NLRC4: variants seen among roughly 807,000 people sequenced by gnomAD.
NLRC4 encodes the protein NLR family CARD domain containing 4.
NLRC4 carries 63 observed loss-of-function variants against 79.9 expected under a neutral mutation model. The observed-to-expected ratio is 0.79, with a 90% CI of 0.64 to 0.97. The LOEUF (loss-of-function observed/expected upper bound fraction) is 0.97. Among genes scored for constraint, NLRC4 ranks in the 50% least tolerant of loss-of-function variants. The pLI is 0.00. For synonymous variants in NLRC4, 461 were observed against 456.5 expected (o/e 1.01, Z -0.12); for missense variants, 1,074 against 1,215.2 (o/e 0.88, Z 1.73).
intron 8 of NLRC4, among the ~76,000 whole-genome samples, chr2:32,230,630 C>T (rs751213626): frequency 1.3e-5 from 2 of 152,162 alleles, no homozygotes; most frequent in Non-Finnish European, 2.9e-5. Flanking sequence ...TGCCACCACA[C>T]ACAGCTAATT....
chr2:32,265,292 C>A (rs568741712), upstream of NLRC4, among the ~76,000 whole-genome samples: 2 of 152,048 alleles, frequency 1.3e-5, no homozygotes, highest in African/African-American at 4.8e-5. Context: ...GCGTTCCTCC[C>A]GCCTCAGTCC....
chr2:32,241,100 G>A lies in NLRC4; in HGVS notation c.2283C>T (p.Asn761=). ...TTATGAGCTTTGTAAGGTTCTTCAAGTTACCCAAGCTGTCAGTCAGACCAC... is the reference window on the plus strand; with the variant it reads ...TTATGAGCTTTGTAAGGTTCTTCAAATTACCCAAGCTGTCAGTCAGACCAC... The part of the protein sequence containing the change: ...LPGGLTDSLG[N]LKNLTKLIMD... The change falls in exon 5 of 9, where the codon AAC becomes AAT. Residue 761 remains asparagine, a synonymous_variant. Transcript: ENST00000402280. 6.2e-7 allele frequency: 1 copy of A among 1,608,192 alleles called. No individual in the cohort carries two copies. The highest frequency in any genetic ancestry group is 8.5e-7 in the Non-Finnish European group (1 of 1,176,620).
At position 32,251,449 on chromosome 2, in the gene NLRC4, G is replaced by A. The variant is rs567535484; in HGVS notation, c.415C>T (p.Leu139=). 4.2e-5 allele frequency: 68 copies of A among 1,613,988 alleles called. No homozygotes were observed. Among genetic ancestry groups the A allele is most frequent in the Non-Finnish European group, 5.5e-5 (65 of 1,180,038 alleles). ...TGATGGTGTTGGTCCTTCCTCCACAGGACAGGTTCTGTGAAGGTGCTTTTC... is the reference window on the plus strand; with the variant it reads ...TGATGGTGTTGGTCCTTCCTCCACAAGACAGGTTCTGTGAAGGTGCTTTTC... ...NLKSTFTEPV[L]WRKDQHHHRV... is the part of the protein sequence containing the mutation. Residue 139 remains leucine, a synonymous_variant, in exon 4 of 9, where the codon CTG becomes TTG. Transcript: ENST00000402280.
intron 1 of NLRC4, among the ~76,000 whole-genome samples, chr2:32,264,457 G>C (rs1273040288): frequency 1.3e-5 from 2 of 148,874 alleles, no homozygotes; most frequent in Non-Finnish European, 3.0e-5. Flanking sequence ...AAAAAAGAGT[G>C]AGTTTCCTTT....
At chr2:32,230,724 TATAAAC>T (rs1331962734) in intron 8 of NLRC4, among the ~76,000 whole-genome samples, 1 of 152,208 alleles carries the variant, frequency 6.6e-6, no homozygotes, top group African/African-American at 2.4e-5. Flanking sequence ...AACATGCTAT[TATAAAC>T]ATTAATATAC....
chr2:32,224,900 A>G (rs1326382493), intron 8 of NLRC4, 135 bp from the exon 9 acceptor site: 1 of 560,072 alleles, frequency 1.8e-6, no homozygotes, highest in Non-Finnish European at 3.1e-6. Flanking sequence ...TTTGCCTCAG[A>G]AAGAAATTAT....
intron 4 of NLRC4, among the ~76,000 whole-genome samples, chr2:32,248,373 A>G (rs866733966): frequency 6.6e-6 from 1 of 152,200 alleles, no homozygotes; most frequent in Non-Finnish European, 1.5e-5. Flanking sequence ...CCTCTCTTGT[A>G]TGGTTTGAAC....
At position 32,250,557 on chromosome 2, in the gene NLRC4, T is replaced by G; in HGVS notation, c.1307A>C (p.Lys436Thr). ...CTTGTGAAAGAATTTATACTTTGGC[T>G]TGAACCTTTGAGCTGTATATTTACA... is the stretch of plus-strand genomic sequence containing the variant. ...LLCKYTAQRFKPKYKFFHKSF... is the reference protein window; with the variant it reads ...LLCKYTAQRFTPKYKFFHKSF... The change falls in exon 4 of 9, where the codon AAG (lysine) becomes ACG (threonine). Residue 436 changes from lysine (K) to threonine (T), a missense_variant. Transcript: ENST00000402280. The surrounding 1 kb of genome is among the most constrained non-coding windows in gnomAD (Gnocchi z 4.9). 1 of 1,614,234 alleles carries G rather than the reference T, an allele frequency of 6.2e-7. No homozygotes were observed. Among genetic ancestry groups the G allele is most frequent in the South Asian group, 1.1e-5 (1 of 91,088 alleles).
Position 32,252,647 on chromosome 2 carries a change from T to G in NLRC4, c.34A>C (p.Ile12Leu). 6.2e-7 allele frequency: 1 copy of G among 1,613,584 alleles called. No homozygotes were observed. Among genetic ancestry groups the G allele is most frequent in the Non-Finnish European group, 8.5e-7 (1 of 1,179,464 alleles). The stretch of plus-strand genomic sequence containing the variant: ...ATAACAGTCATTCCCATTCTTTGAA[T>G]AAGGGCTCGGCTATTGTCCTTTATG... ...NFIKDNSRAL[I>L]QRMGMTVIKQ... is the part of the protein sequence containing the mutation. The change falls in exon 3 of 9, where the codon ATT (isoleucine) becomes CTT (leucine). Residue 12 changes from isoleucine to leucine, a missense_variant. Transcript: ENST00000402280.
chr2:32,239,007 A>G (rs763921926), intron 5 of NLRC4, among the ~76,000 whole-genome samples: 1 of 152,202 alleles, frequency 6.6e-6, no homozygotes, highest in African/African-American at 2.4e-5. Context: ...ATGACCAGGC[A>G]TGGTGGCTCA....
chr2:32,224,615 A>G lies in NLRC4; in HGVS notation c.2933T>C (p.Leu978Pro), dbSNP rs1166978531. ...VFFDFSTKEF[L>P]PDPALVRKLS... Reference sequence around the variant, plus strand: ...TTTTCTGACTAATGCTGGATCAGGTAGAAATTCTTTAGTACTAAAGTCAAA... The same window carrying G: ...TTTTCTGACTAATGCTGGATCAGGTGGAAATTCTTTAGTACTAAAGTCAAA... Residue 978 changes from leucine (L) to proline (P), a missense_variant, in exon 9 of 9, where the codon CTA becomes CCA. Coordinates refer to ENST00000402280, the MANE Select transcript of NLRC4 (RefSeq NM_001199138.2). 9.9e-6 allele frequency: 16 copies of G among 1,613,848 alleles called. No homozygotes were observed. The Admixed American group carries it at 1.2e-4, about 12-fold the overall frequency.
intron 4 of NLRC4, among the ~76,000 whole-genome samples, chr2:32,241,602 T>A (rs1336516591): frequency 7.9e-5 from 12 of 151,960 alleles, no homozygotes; most frequent in Non-Finnish European, 1.8e-4. Flanking sequence ...ATGGTCTCAA[T>A]CTCCTGACCT....
Position 32,251,515 on chromosome 2 carries a change from A to G in NLRC4, c.349T>C (p.Phe117Leu). The G allele has an allele frequency of 1.9e-6, 3 of 1,614,116 alleles. No individual in the cohort carries two copies. The change falls in exon 4 of 9, where the codon TTT (phenylalanine) becomes CTT (leucine). Residue 117 changes from phenylalanine (F) to leucine (L), a missense_variant. By Grantham distance (22) the Phe-to-Leu change is conservative. Transcript: ENST00000402280. ...TCAATATCTTCACCAAGGGGATAAAAGTTCAGAAAAGATGGGGTATGGTAC... is the reference window on the plus strand; with the variant it reads ...TCAATATCTTCACCAAGGGGATAAAGGTTCAGAAAAGATGGGGTATGGTAC... ...DLYHTPSFLN[F>L]YPLGEDIDII...
Position 32,261,158 on chromosome 2 carries a change from A to T in NLRC4, c.-119+3580T>A, listed in dbSNP as rs1035964336. Among the ~76,000 whole-genome samples the T allele has an allele frequency of 7.6e-4, 114 of 149,500 alleles. 1 individual carries two copies. Among genetic ancestry groups the T allele is most frequent in the Non-Finnish European group, 7.7e-4 (52 of 67,398 alleles). On this transcript the variant is annotated intron_variant, in intron 1 of 8. Coordinates refer to ENST00000402280, the MANE Select transcript of NLRC4 (RefSeq NM_001199138.2). Reference sequence around the variant, plus strand: ...CAGTGAGCCGAGATCGCAGCACTGCACTCCAGCCTGGGCGACAGAGCGAGA... The same window carrying T: ...CAGTGAGCCGAGATCGCAGCACTGCTCTCCAGCCTGGGCGACAGAGCGAGA...
Position 32,249,855 on chromosome 2 carries a change from C to T in NLRC4, c.2009G>A (p.Ser670Asn). 6.2e-7 allele frequency: 1 copy of T among 1,614,220 alleles called. No homozygotes were observed. Among genetic ancestry groups the T allele is most frequent in the Non-Finnish European group, 8.5e-7 (1 of 1,180,044 alleles). The change falls in exon 4 of 9, where the codon AGC becomes AAC. Residue 670 changes from serine to asparagine, a missense_variant. Coordinates refer to ENST00000402280, the MANE Select transcript of NLRC4 (RefSeq NM_001199138.2). ...TCTGATATCTTGCTTATTCAACTTG[C>T]TGAAATCCCGGAGTGTGACCTCCAG... ...RTLEVTLRDF[S>N]KLNKQDIRYL...
At position 32,256,848 on chromosome 2, in the gene NLRC4, G is replaced by A; in HGVS notation, c.-73C>T. 1 of 772,728 alleles carries A rather than the reference G, an allele frequency of 1.3e-6. No homozygotes were observed. Among genetic ancestry groups the A allele is most frequent in the Non-Finnish European group, 2.4e-6 (1 of 414,190 alleles). 47.9% of individuals were successfully genotyped at this position (772,728 alleles called of 1,614,324 possible). ...TTATTTCCAAATGGAAAGGTCAAAG[G>A]TGATCCCAATATTGTCCTCTTTTTT... On this transcript the variant is annotated 5_prime_UTR_variant, in exon 2 of 9. Coordinates refer to ENST00000402280, the MANE Select transcript of NLRC4 (RefSeq NM_001199138.2).
chr2:32,251,575 C>A lies in NLRC4; in HGVS notation c.289G>T (p.Asp97Tyr), dbSNP rs762060718. The part of the protein sequence containing the change: ...QSLFHQTSEG[D>Y]LDDLAQDLKD... ...AAATCCTGAGCCAAATCGTCCAAGT[C>A]TCCTTCTGATGTCTGATGAAAAAGA... Residue 97 changes from aspartate (D) to tyrosine (Y), a missense_variant, in exon 4 of 9, where the codon GAC (aspartate) becomes TAC (tyrosine). Physicochemically the swap from Asp to Tyr is radical, Grantham distance 160. Transcript: ENST00000402280. 6.2e-7 allele frequency: 1 copy of A among 1,605,362 alleles called. No homozygotes were observed. The highest frequency in any genetic ancestry group is 8.5e-7 in the Non-Finnish European group (1 of 1,176,064).
At chr2:32,245,171 C>A (rs548217359) in intron 4 of NLRC4, among the ~76,000 whole-genome samples, 1 of 151,448 alleles carries the variant, frequency 6.6e-6, no homozygotes, top group African/African-American at 2.4e-5. Context: ...ATTAGCCAGG[C>A]GTGTTATTGG....
At chr2:32,245,623 G>T (rs1016592955) in intron 4 of NLRC4, among the ~76,000 whole-genome samples, 5 of 152,116 alleles carry the variant, frequency 3.3e-5, no homozygotes, top group Non-Finnish European at 7.3e-5. Context: ...AGTACAACTG[G>T]ATTGTTCTTA....
Sources: gnomAD v4.1 joint callset for allele counts (sites outside exome capture counted in the v4.1 genomes callset) on GRCh38, gnomAD v4.1.1 for gene constraint, Gnocchi (gnomAD v3.1) non-coding constraint, MANE v1.5 for transcripts, NCBI Gene and HGNC (gene_info 2026-07-23, HGNC 2026-07-21) for gene names.